Variants in PRKCA observed in about 807,000 individuals in gnomAD.
PRKCA encodes the protein protein kinase C alpha, also known as protein kinase C alpha type.
PRKCA carries 27 observed loss-of-function variants against 87.0 expected under a neutral mutation model. The observed-to-expected ratio is 0.31, with a 90% CI of 0.23 to 0.43. The LOEUF (loss-of-function observed/expected upper bound fraction) is 0.43, where lower values mean the gene tolerates loss of function less well. Among genes scored for constraint, PRKCA ranks in the 20% least tolerant of loss-of-function variants. The pLI is 1.00. For missense variants in PRKCA, 518 were observed against 852.3 expected, an observed-to-expected ratio of 0.61 and a Z score of 4.88; for synonymous variants, 329 against 311.1, an observed-to-expected ratio of 1.06 and a Z score of -0.61.
At chr17:66,453,866 G>C (rs1914454084) in intron 2 of PRKCA, among the ~76,000 whole-genome samples, 1 of 152,102 alleles carries the variant, frequency 6.6e-6, no homozygotes, top group South Asian at 2.1e-4. Flanking sequence ...GAATACTTTG[G>C]GTTTTTTCAG....
intron 8 of PRKCA, among the ~76,000 whole-genome samples, chr17:66,717,048 A>G (rs1350864673): frequency 6.6e-6 from 1 of 152,202 alleles, no homozygotes; most frequent in Non-Finnish European, 1.5e-5. Flanking sequence ...GAAGAGCCTG[A>G]ATAGTGATTT....
At chr17:66,657,420 C>T (rs540307318) in intron 5 of PRKCA, among the ~76,000 whole-genome samples, 1 of 152,276 alleles carries the variant, frequency 6.6e-6, no homozygotes, top group African/African-American at 2.4e-5. Flanking sequence ...GTTGTTTCAT[C>T]AACTTCGACT....
chr17:66,794,055 A>C (rs1384609674), intron 16 of PRKCA, among the ~76,000 whole-genome samples: 1 of 152,236 alleles, frequency 6.6e-6, no homozygotes, highest in East Asian at 1.9e-4. Flanking sequence ...AAGGAGCAGA[A>C]TAGCTAGTTC....
chr17:66,732,633 C>T, intron 8 of PRKCA, 55 bp from the exon 9 acceptor site: 1 of 1,608,402 alleles, frequency 6.2e-7, no homozygotes, highest in Non-Finnish European at 8.5e-7. Flanking sequence ...TGGTTTCTGT[C>T]ACTCTTTCCC....
At chr17:66,715,734 G>GTT (rs140265021) in intron 8 of PRKCA, among the ~76,000 whole-genome samples, 2 of 149,270 alleles carry the variant, frequency 1.3e-5, no homozygotes, top group African/African-American at 4.9e-5. Flanking sequence ...AAAGGATACA[G>GTT]TTTTTTTTTT....
chr17:66,775,811 A>G (rs1975034091), intron 14 of PRKCA: 6 of 963,868 alleles, frequency 6.2e-6, no homozygotes, highest in South Asian at 4.8e-5. Flanking sequence ...TGAACAAAAC[A>G]GACGAGAATC....
chr17:66,318,348 A>T (rs957706050), intron 2 of PRKCA, among the ~76,000 whole-genome samples: 1 of 151,946 alleles, frequency 6.6e-6, no homozygotes, highest in African/African-American at 2.4e-5. Context: ...ATTTTTTTTT[A>T]ATTTTTAGGT....
intron 8 of PRKCA, among the ~76,000 whole-genome samples, chr17:66,731,893 G>A (rs1376509703): frequency 7.0e-6 from 1 of 142,698 alleles, no homozygotes; most frequent in Non-Finnish European, 1.5e-5. Flanking sequence ...CGGTTCAAGC[G>A]ATTCTCCTGC....
chr17:66,644,404 G>T (rs1971396360), intron 4 of PRKCA, among the ~76,000 whole-genome samples: 1 of 152,156 alleles, frequency 6.6e-6, no homozygotes, highest in African/African-American at 2.4e-5. Flanking sequence ...GATTCCAGTG[G>T]CCTTCCCTCC....
intron 3 of PRKCA, among the ~76,000 whole-genome samples, chr17:66,529,966 A>AT (rs1967483388): frequency 6.6e-6 from 1 of 152,192 alleles, no homozygotes; most frequent in Admixed American, 6.5e-5. Flanking sequence ...GATCTGCGAC[A>AT]TGCAATAAGG....
rs61762768 is a variant in PRKCA, at chr17:66,775,307, G to A, written c.1605+1240G>A. ...ACCTTTTAGGGTCTCAGATTTCTCC[G>A]CTAATTCCTCCTCCTTTCAGCCGAG... is the stretch of plus-strand genomic sequence containing the variant. On this transcript the variant is annotated intron_variant, in intron 14 of 16. Transcript: ENST00000413366. 16 of 985,170 alleles carry A rather than the reference G, an allele frequency of 1.6e-5. No individual in the cohort carries two copies. The South Asian group carries it at 2.3e-4, about 14-fold the overall frequency. 61.0% of individuals were successfully genotyped at this position (985,170 alleles called of 1,614,324 possible). A position where few individuals can be genotyped will look rare whatever the true frequency, so the allele number is the denominator to read the frequency against.
intron 2 of PRKCA, among the ~76,000 whole-genome samples, chr17:66,490,753 G>A (rs1296897527): frequency 6.6e-6 from 1 of 152,070 alleles, no homozygotes; most frequent in Non-Finnish European, 1.5e-5. Context: ...GCTAATTTTT[G>A]TATTTTTAGT....
chr17:66,727,336 A>AT (rs1973780430), intron 8 of PRKCA, among the ~76,000 whole-genome samples: 1 of 152,178 alleles, frequency 6.6e-6, no homozygotes, highest in Admixed American at 6.5e-5. Context: ...GGGGTGGGAT[A>AT]TTCCTGAAGA....
rs371623125 is a variant in PRKCA, at chr17:66,683,208, G to A, written c.530-3903G>A. Among the ~76,000 whole-genome samples, 3 of 152,268 alleles carry A rather than the reference G, an allele frequency of 2.0e-5. No homozygotes were observed. In the East Asian group the frequency reaches 5.8e-4, roughly 29 times the overall value. ...CTTTTATGGTTACCTTCCATTTATG[G>A]CAAACAATCTTGGTTTTCTGTTTCC... On this transcript the variant is annotated intron_variant, in intron 5 of 16. Transcript: ENST00000413366.
At chr17:66,631,296 T>A (rs1971005519) in intron 3 of PRKCA, among the ~76,000 whole-genome samples, 3 of 152,320 alleles carry the variant, frequency 2.0e-5, no homozygotes, top group Admixed American at 2.0e-4. Flanking sequence ...GTAAATAATT[T>A]TTTTTAGGCA....
At chr17:66,402,092 T>C (rs959719613) in intron 2 of PRKCA, among the ~76,000 whole-genome samples, 1 of 151,638 alleles carries the variant, frequency 6.6e-6, no homozygotes, top group African/African-American at 2.4e-5. Context: ...CAAGAGGGAG[T>C]CGTGTCTCAG....
At chr17:66,486,660 A>G (rs1307784892) in intron 2 of PRKCA, among the ~76,000 whole-genome samples, 1 of 151,978 alleles carries the variant, frequency 6.6e-6, no homozygotes, top group Admixed American at 6.6e-5. Flanking sequence ...CACCATGAAG[A>G]CATCTCTCAT....
At chr17:66,303,181 C>G (rs1185899567) in intron 1 of PRKCA, among the ~76,000 whole-genome samples, 157 bp downstream of exon 1, 4 of 152,094 alleles carry the variant, frequency 2.6e-5, no homozygotes, top group Non-Finnish European at 5.9e-5. Flanking sequence ...CGCGCCCGGC[C>G]CTGACACCGG....
chr17:66,550,598 G>A (rs1968295700), intron 3 of PRKCA, among the ~76,000 whole-genome samples: 2 of 151,792 alleles, frequency 1.3e-5, no homozygotes, highest in Admixed American at 6.6e-5. Flanking sequence ...GCAGTGAACC[G>A]AGATCGTGCC....
Sources: gnomAD v4.1 joint callset for allele counts (sites outside exome capture counted in the v4.1 genomes callset) on GRCh38, gnomAD v4.1.1 for gene constraint, MANE v1.5 for transcripts, NCBI Gene and HGNC (gene_info 2026-07-23, HGNC 2026-07-21) for gene names.